Variants in ZNF287 observed in about 807,000 individuals in gnomAD.
The protein encoded by ZNF287 is zinc finger protein with KRAB and SCAN domains 13.
A neutral mutation model predicts 73.7 loss-of-function variants in ZNF287; 31 were observed. The observed-to-expected ratio is 0.42, with a 90% CI of 0.32 to 0.57. The LOEUF (loss-of-function observed/expected upper bound fraction) is 0.57. Ranked by LOEUF, ZNF287 falls within the 20% of genes least tolerant of loss-of-function variation. ZNF287 has a pLI of 0.13. For synonymous variants in ZNF287, 301 were observed against 307.2 expected (o/e 0.98, Z 0.21); for missense variants, 641 against 909.3 (o/e 0.70, Z 3.79).
chr17:16,553,453 C>G (rs369664744), intron 5 of ZNF287, 27 bp from the exon 6 acceptor site: 23 of 1,430,880 alleles, frequency 1.6e-5, no homozygotes, highest in Non-Finnish European at 2.1e-5. Context: ...ATTAAAAAAT[C>G]TTCATTTATT....
chr17:16,558,006 T>C (rs1287237344), intron 5 of ZNF287: 3 of 152,156 alleles, frequency 2.0e-5, no homozygotes, highest in Non-Finnish European at 2.9e-5. Context: ...AAACTCCTCA[T>C]GTTGAGAAGT....
chr17:16,554,961 G>A (rs1237951071), intron 5 of ZNF287, among the ~76,000 whole-genome samples: 1 of 148,518 alleles, frequency 6.7e-6, no homozygotes, highest in African/African-American at 2.6e-5. Context: ...GAATTATGTA[G>A]GAAATTGCCT....
Position 16,563,199 on chromosome 17 carries a change from A to G in ZNF287, c.662T>C (p.Ile221Thr). The G allele has an allele frequency of 6.2e-7, 1 of 1,613,746 alleles. No individual in the cohort carries two copies. The highest frequency in any genetic ancestry group is 8.5e-7 in the Non-Finnish European group (1 of 1,179,756). The change falls in exon 5 of 6, where the codon ATA (isoleucine) becomes ACA (threonine). Residue 221 changes from isoleucine (I) to threonine (T), a missense_variant. By Grantham distance (89) the Ile-to-Thr change is moderately conservative. Around this residue, in one of 2 missense-constraint regions of ZNF287, gnomAD observed 357 missense variants for 442.4 expected, o/e 0.81. Transcript: ENST00000395825. ...LTVYRPTVIPILEEPWMVIKE... is the reference protein window; with the variant it reads ...LTVYRPTVIPTLEEPWMVIKE... ...TATCACCATCCATGGTTCTTCCAAT[A>G]TGGGAATCACAGTTGGTCTGTACAC...
Position 16,548,659 on chromosome 17 carries a change from G to C in ZNF287, c.*3197C>G, listed in dbSNP as rs111329404. 1.3e-4 allele frequency among the ~76,000 whole-genome samples: 20 copies of C among 152,238 alleles called. No individual in the cohort carries two copies. The highest frequency in any genetic ancestry group is 4.8e-4 in the African/African-American group (20 of 41,554). On this transcript the variant is annotated 3_prime_UTR_variant, in exon 6 of 6. Transcript: ENST00000395825. The stretch of plus-strand genomic sequence containing the variant: ...AAAAAAATACAAAGAAATTAGCCGG[G>C]CGTGGTGGCGGGTGTCTGTAGTCCC...
At position 16,563,711 on chromosome 17, in the gene ZNF287, T is replaced by C. The variant is rs1340294521; in HGVS notation, c.616A>G (p.Met206Val). ...AGATGATCCTTACCCAGAGAAACCA[T>C]GTTCCAATAGTTCTGTAACGTCACA... Reference protein sequence around the residue: ...KTVTLQNYWNMVSLGLTVYRP... With the variant: ...KTVTLQNYWNVVSLGLTVYRP... The change falls in exon 4 of 6, where the codon ATG becomes GTG. Residue 206 changes from methionine to valine, a missense_variant. By Grantham distance (21) the Met-to-Val change is conservative. Transcript: ENST00000395825. 2.5e-6 allele frequency: 4 copies of C among 1,613,300 alleles called. No homozygotes were observed. Among genetic ancestry groups the C allele is most frequent in the East Asian group, 4.5e-5 (2 of 44,854 alleles).
At chr17:16,567,292 C>A (rs779244123) in intron 2 of ZNF287, 37 bp downstream of exon 2, 1 of 1,575,504 alleles carries the variant, frequency 6.3e-7, no homozygotes, top group Non-Finnish European at 8.6e-7. Context: ...CTTTAACCAC[C>A]CAGGGATTCC....
chr17:16,568,078 G>T, intron 1 of ZNF287, 149 bp from the exon 2 acceptor site: 1 of 714,100 alleles, frequency 1.4e-6, no homozygotes, highest in Non-Finnish European at 1.7e-6. Flanking sequence ...GACTTGTAAG[G>T]GAACTGCCAT....
chr17:16,568,621 T>G (rs1412341702), intron 1 of ZNF287: 2 of 152,322 alleles, frequency 1.3e-5, no homozygotes, highest in African/African-American at 2.4e-5. Flanking sequence ...AGGCTCCAGC[T>G]CCGAGCCCTG....
rs567030771 is a variant in ZNF287, at chr17:16,560,518, T to A, written c.715+2628A>T. Among the ~76,000 whole-genome samples the A allele has an allele frequency of 2.0e-5, 3 of 151,032 alleles. No homozygotes were observed. In the East Asian group the frequency reaches 6.0e-4, roughly 30 times the overall value. ...GCACCCACCACCACGCCCAGCTAAT[T>A]TTTGTATTTTCAGTAGAGACAGAGT... is the stretch of plus-strand genomic sequence containing the variant. On this transcript the variant is annotated intron_variant, in intron 5 of 5. Transcript: ENST00000395825.
chr17:16,563,542 C>G (rs1394325031), intron 4 of ZNF287, among the ~76,000 whole-genome samples, 157 bp downstream of exon 4: 1 of 152,176 alleles, frequency 6.6e-6, no homozygotes, highest in African/African-American at 2.4e-5. Context: ...ACTTAAGAAC[C>G]TTTCATTTGG....
chr17:16,552,163 C>T lies in ZNF287; in HGVS notation c.1979G>A (p.Gly660Asp). ...CCTTTGATGCTGAGTAAGATTTGCG[C>T]CTTGTCTATATGCTTTCCCACATAT... The part of the protein sequence containing the change: ...CNICGKAYRQ[G>D]ANLTQHQRIH... The change falls in exon 6 of 6, where the codon GGC becomes GAC. Residue 660 changes from glycine to aspartate, a missense_variant. By Grantham distance (94) the Gly-to-Asp change is moderately conservative. This residue lies in a region of ZNF287 where 284 missense variants were observed against 466.8 expected (regional missense o/e 0.61). Coordinates refer to ENST00000395825, the MANE Select transcript of ZNF287 (RefSeq NM_020653.4). This position sits in a 1 kb window ranked among gnomAD's most constrained non-coding sequence, Gnocchi z 6.5. 6.2e-7 allele frequency: 1 copy of T among 1,613,980 alleles called. No individual in the cohort carries two copies. The highest frequency in any genetic ancestry group is 8.5e-7 in the Non-Finnish European group (1 of 1,179,964).
chr17:16,561,002 C>CA (rs902031889), intron 5 of ZNF287, among the ~76,000 whole-genome samples: 225 of 123,236 alleles, frequency 1.8e-3, no homozygotes, highest in African/African-American at 6.1e-3. Context: ...GACTCCGTCT[C>CA]AAAAAAAAAA....
At chr17:16,554,200 T>C (rs902954538) in intron 5 of ZNF287, among the ~76,000 whole-genome samples, 1 of 149,588 alleles carries the variant, frequency 6.7e-6, no homozygotes, top group Non-Finnish European at 1.5e-5. Context: ...AGTTATCCAC[T>C]ACTTTTTTTT....
chr17:16,557,799 A>G (rs1209399278), intron 5 of ZNF287, among the ~76,000 whole-genome samples: 1 of 152,192 alleles, frequency 6.6e-6, no homozygotes, highest in Non-Finnish European at 1.5e-5. Context: ...ACAGAGGACT[A>G]CACACTATGT....
At chr17:16,568,121 T>C in intron 1 of ZNF287, 192 bp from the exon 2 acceptor site, 1 of 280,526 alleles carries the variant, frequency 3.6e-6, no homozygotes, top group South Asian at 1.3e-4. Context: ...GGAGCTGCTA[T>C]TAAAAAGGTA....
rs780488153 is a variant in ZNF287 at position 16,553,091 on chromosome 17, G to A, written c.1051C>T (p.His351Tyr). 1 of 1,614,108 alleles carries A rather than the reference G, an allele frequency of 6.2e-7. No homozygotes were observed. Among genetic ancestry groups the A allele is most frequent in the East Asian group, 2.2e-5 (1 of 44,886 alleles). The change falls in exon 6 of 6, where the codon CAT becomes TAT. Residue 351 changes from histidine to tyrosine, a missense_variant. His to Tyr is a moderately conservative substitution (Grantham distance 83, BLOSUM62 2). Coordinates refer to ENST00000395825, the MANE Select transcript of ZNF287 (RefSeq NM_020653.4). The stretch of plus-strand genomic sequence containing the variant: ...CTATGTACAATACCATATGAGACAT[G>A]ATTGAAGGTTGCCCTGCCTTCATTA... Reference protein sequence around the residue: ...VYNEGRATFNHVSYGIVHRKI... With the variant: ...VYNEGRATFNYVSYGIVHRKI...
At position 16,550,703 on chromosome 17, in the gene ZNF287, C is replaced by T. The variant is rs995920171; in HGVS notation, c.*1153G>A. Reference sequence around the variant, plus strand: ...GCACTGTAACAAGCTTGAGAGGATCCAATTAGGAAGTTTGGGACCTGAGCA... The same window carrying T: ...GCACTGTAACAAGCTTGAGAGGATCTAATTAGGAAGTTTGGGACCTGAGCA... On this transcript the variant is annotated 3_prime_UTR_variant, in exon 6 of 6. Transcript: ENST00000395825. Among the ~76,000 whole-genome samples the T allele has an allele frequency of 1.3e-5, 2 of 152,046 alleles. No individual in the cohort carries two copies. The highest frequency in any genetic ancestry group is 2.9e-5 in the Non-Finnish European group (2 of 68,010).
chr17:16,567,580 T>C lies in ZNF287; in HGVS notation c.152A>G (p.Asn51Ser). The C allele has an allele frequency of 6.2e-7, 1 of 1,614,198 alleles. No homozygotes were observed. Among genetic ancestry groups the C allele is most frequent in the Non-Finnish European group, 8.5e-7 (1 of 1,180,046 alleles). ...GTCTGGGTATGGAAAATTCCTAAAATTCTGTCGACAGGTCTCAGTGTCACG... is the reference window on the plus strand; with the variant it reads ...GTCTGGGTATGGAAAATTCCTAAAACTCTGTCGACAGGTCTCAGTGTCACG... ...FLRDTETCRQ[N>S]FRNFPYPDLA... is the part of the protein sequence containing the mutation. Residue 51 changes from asparagine (N) to serine (S), a missense_variant, in exon 2 of 6, where the codon AAT becomes AGT. Physicochemically the swap from Asn to Ser is conservative, Grantham distance 46. Transcript: ENST00000395825.
At chr17:16,564,708 T>C (rs1452587331) in intron 3 of ZNF287, among the ~76,000 whole-genome samples, 4 of 152,208 alleles carry the variant, frequency 2.6e-5, no homozygotes, top group South Asian at 2.1e-4. Context: ...CATTTCACAA[T>C]CTGGTAAGGT....
Sources: allele counts gnomAD v4.1 joint callset (sites outside exome capture counted in the v4.1 genomes callset), GRCh38; gene constraint gnomAD v4.1.1; regional missense constraint gnomAD v4.1.1; non-coding constraint Gnocchi (gnomAD v3.1); transcripts MANE v1.5; gene names NCBI Gene and HGNC (gene_info 2026-07-23, HGNC 2026-07-21).